The following RPH3AL variants were observed in gnomAD, a reference collection of about 807,000 sequenced individuals.
RPH3AL encodes the protein rabphilin 3A like (without C2 domains).
A neutral mutation model predicts 43.1 loss-of-function variants in RPH3AL; 38 were observed. The observed-to-expected ratio is 0.88, with a 90% CI of 0.68 to 1.15. The LOEUF (loss-of-function observed/expected upper bound fraction) is 1.15, where lower values mean the gene tolerates loss of function less well. Among genes scored for constraint, RPH3AL ranks in the 50% most tolerant of loss-of-function variants. RPH3AL has a pLI of 0.00. For missense variants in RPH3AL, 462 were observed against 423.2 expected, an observed-to-expected ratio of 1.09 and a Z score of -0.81; for synonymous variants, 189 against 176.3, an observed-to-expected ratio of 1.07 and a Z score of -0.57.
intron 4 of RPH3AL, 75 bp downstream of exon 4, chr17:321,197 C>A: frequency 6.6e-7 from 1 of 1,517,846 alleles, no homozygotes; most frequent in Non-Finnish European, 8.9e-7. Context: ...CCCGGAGTGC[C>A]GGCCTCCCAG....
chr17:268,553 GTTTTT>G (rs5818749), intron 6 of RPH3AL, among the ~76,000 whole-genome samples: 4 of 74,518 alleles, frequency 5.4e-5, no homozygotes, highest in Admixed American at 4.5e-4. Flanking sequence ...ATGTTTTTGG[GTTTTT>G]TTTTTTTTTT....
At chr17:331,860 T>G in intron 2 of RPH3AL, 1 of 1,289,180 alleles carries the variant, frequency 7.8e-7, no homozygotes, top group Non-Finnish European at 1.0e-6. Flanking sequence ...TGCGCCCTTG[T>G]ACTCAGGTAT....
intron 3 of RPH3AL, 136 bp downstream of exon 3, chr17:327,331 A>G (rs2044642315): frequency 2.7e-6 from 2 of 736,948 alleles, no homozygotes; most frequent in East Asian, 2.6e-5. Context: ...CAGGGCCTGG[A>G]GTGTGGCATG....
intron 5 of RPH3AL, among the ~76,000 whole-genome samples, chr17:311,714 G>A (rs749599888): frequency 2.0e-5 from 3 of 152,202 alleles, no homozygotes; most frequent in African/African-American, 7.2e-5. Flanking sequence ...AGACTGAGGC[G>A]TTTCCCTGCC....
Position 346,669 on chromosome 17 carries a change from C to T in RPH3AL, c.-213+6043G>A, listed in dbSNP as rs574349818. On this transcript the variant is annotated intron_variant, in intron 1 of 9. Transcript: ENST00000331302. ...ACCATATCATCAGTCATCCCATGTA[C>T]GCACATAATCTTTTTTCCTTCTCCT... 2.2e-5 allele frequency among the ~76,000 whole-genome samples: 3 copies of T among 135,074 alleles called. No individual in the cohort carries two copies. The South Asian group carries it at 7.4e-4, about 33-fold the overall frequency. The allele number at this position is 135,074 out of a possible 152,430, so 88.6% of individuals were successfully genotyped here.
intron 7 of RPH3AL, among the ~76,000 whole-genome samples, chr17:235,436 T>C (rs1567570951): frequency 7.4e-6 from 1 of 135,692 alleles, no homozygotes; most frequent in East Asian, 2.3e-4. Context: ...GGCTCTGCAG[T>C]AACAAGAGGG....
chr17:252,647 G>A (rs994752802), intron 6 of RPH3AL, among the ~76,000 whole-genome samples: 13 of 152,056 alleles, frequency 8.5e-5, no homozygotes, highest in Admixed American at 7.9e-4. Context: ...TCGTCCTCAC[G>A]GGCAGCGCCG....
chr17:277,858 G>C (rs186923577), intron 6 of RPH3AL, among the ~76,000 whole-genome samples: 1 of 152,048 alleles, frequency 6.6e-6, no homozygotes, highest in Non-Finnish European at 1.5e-5. Flanking sequence ...GGGAGGCTGA[G>C]GGGGGAGGGT....
intron 5 of RPH3AL, among the ~76,000 whole-genome samples, chr17:299,669 C>A (rs146449664): frequency 6.6e-6 from 1 of 152,212 alleles, no homozygotes; most frequent in African/African-American, 2.4e-5. Flanking sequence ...GCAGGCCTCC[C>A]GAAGTGTGCC....
intron 1 of RPH3AL, among the ~76,000 whole-genome samples, chr17:347,357 C>T (rs1233785109): frequency 6.6e-6 from 1 of 152,176 alleles, no homozygotes; most frequent in Non-Finnish European, 1.5e-5. Flanking sequence ...CAACAGGGAA[C>T]CCTCAAGCAC....
chr17:305,827 C>T (rs751396570), intron 5 of RPH3AL, among the ~76,000 whole-genome samples: 5 of 151,926 alleles, frequency 3.3e-5, no homozygotes, highest in African/African-American at 7.3e-5. Context: ...CCTCCCTCCC[C>T]AGCCCCTTTC....
intron 5 of RPH3AL, among the ~76,000 whole-genome samples, chr17:285,883 G>A (rs2042895254): frequency 2.6e-5 from 4 of 152,052 alleles, no homozygotes; most frequent in African/African-American, 9.7e-5. Context: ...CCCGTCTAGC[G>A]CTCACCTCCC....
intron 6 of RPH3AL, among the ~76,000 whole-genome samples, chr17:258,416 T>C (rs1597955902): frequency 6.6e-6 from 1 of 152,316 alleles, no homozygotes; most frequent in East Asian, 1.9e-4. Context: ...TTCACTCAAG[T>C]TCCTGTAATT....
intron 7 of RPH3AL, among the ~76,000 whole-genome samples, chr17:239,912 A>G (rs2041487125): frequency 6.6e-6 from 1 of 152,212 alleles, no homozygotes; most frequent in Non-Finnish European, 1.5e-5. Flanking sequence ...TACAGGCATG[A>G]GCCAGTGTAC....
intron 7 of RPH3AL, among the ~76,000 whole-genome samples, chr17:237,235 G>A (rs987700823): frequency 8.5e-5 from 13 of 152,214 alleles, no homozygotes; most frequent in African/African-American, 2.9e-4. Context: ...ACCACAGTTT[G>A]GAATTTGTAA....
At chr17:270,821 T>A (rs2042444959) in intron 6 of RPH3AL, among the ~76,000 whole-genome samples, 2 of 152,252 alleles carry the variant, frequency 1.3e-5, no homozygotes, top group East Asian at 3.8e-4. Flanking sequence ...TGCCATTGCT[T>A]TTGGTGTTTT....
chr17:331,701 C>T (rs1002735738), intron 2 of RPH3AL: 11 of 1,287,752 alleles, frequency 8.5e-6, no homozygotes, highest in African/African-American at 7.6e-5. Context: ...CCCCCATGCC[C>T]GGCACCCCCT....
rs1007406634 is a variant in RPH3AL, at chr17:264,753, G to A, written c.438+17015C>T. On this transcript the variant is annotated intron_variant, in intron 6 of 9. Transcript: ENST00000331302. This position sits in a 1 kb window ranked among gnomAD's most constrained non-coding sequence, Gnocchi z 4.8. ...TATCAGCAAAAATGGAACACAGAATGCAGCCATTCTTCCCCAAACACCTGT... is the reference window on the plus strand; with the variant it reads ...TATCAGCAAAAATGGAACACAGAATACAGCCATTCTTCCCCAAACACCTGT... Among the ~76,000 whole-genome samples, 1 of 152,170 alleles carries A rather than the reference G, an allele frequency of 6.6e-6. No homozygotes were observed. Among genetic ancestry groups the A allele is most frequent in the Admixed American group, 6.5e-5 (1 of 15,282 alleles).
intron 5 of RPH3AL, among the ~76,000 whole-genome samples, chr17:300,888 G>T (rs1019897120): frequency 6.6e-6 from 1 of 151,154 alleles, no homozygotes; most frequent in Non-Finnish European, 1.5e-5. Flanking sequence ...GGCTGGCCCA[G>T]CCTAGACCTG....
Sources: allele counts gnomAD v4.1 joint callset (sites outside exome capture counted in the v4.1 genomes callset), GRCh38; gene constraint gnomAD v4.1.1; non-coding constraint Gnocchi (gnomAD v3.1); transcripts MANE v1.5; gene names NCBI Gene and HGNC (gene_info 2026-07-23, HGNC 2026-07-21).